GALNTL5: variants seen among roughly 807,000 people sequenced by gnomAD.
GALNTL5 encodes polypeptide N-acetylgalactosaminyltransferase like 5.
In GALNTL5, 44 loss-of-function variants were observed where a neutral mutation model predicts 51.0. The ratio of observed to expected loss-of-function variants is 0.86; its 90% CI spans 0.68 to 1.11. GALNTL5 has a LOEUF of 1.11. GALNTL5 is among the 50% of genes least tolerant of loss of function. GALNTL5 has a pLI of 0.00. For missense variants in GALNTL5, 528 were observed against 531.8 expected, an observed-to-expected ratio of 0.99 and a Z score of 0.07; for synonymous variants, 192 against 182.8, an observed-to-expected ratio of 1.05 and a Z score of -0.41.
chr7:152,006,730 T>G (rs1223612687), intron 6 of GALNTL5, among the ~76,000 whole-genome samples: 1 of 152,200 alleles, frequency 6.6e-6, no homozygotes, highest in Non-Finnish European at 1.5e-5. Flanking sequence ...CAATAAATAC[T>G]TATTTGAACA....
In GALNTL5 at chr7:152,019,895, A is replaced by G; in HGVS notation, c.*94A>G. On this transcript the variant is annotated 3_prime_UTR_variant, in exon 9 of 9. Coordinates refer to ENST00000392800, the MANE Select transcript of GALNTL5 (RefSeq NM_145292.4). ...GAGTGTAAGTTTGGAACATCGTGGA[A>G]TTACGTGAAATGCAATTAAAAAAAT... 3 of 1,041,630 alleles carry G rather than the reference A, an allele frequency of 2.9e-6. No homozygotes were observed. Among genetic ancestry groups the G allele is most frequent in the Non-Finnish European group, 4.1e-6 (3 of 724,280 alleles). 64.5% of individuals were successfully genotyped at this position (1,041,630 alleles called of 1,614,324 possible).
chr7:151,974,535 A>G (rs1386112772), intron 3 of GALNTL5, among the ~76,000 whole-genome samples: 2 of 152,236 alleles, frequency 1.3e-5, no homozygotes, highest in Non-Finnish European at 2.9e-5. Flanking sequence ...TGAAGCCACA[A>G]ATATCACTCA....
chr7:152,014,502 A>G, intron 7 of GALNTL5, 142 bp from the exon 8 acceptor site: 1 of 677,604 alleles, frequency 1.5e-6, no homozygotes, highest in Non-Finnish European at 2.4e-6. Context: ...TCCCTTCCTT[A>G]GGTGATCTGA....
At chr7:152,001,202 C>T (rs1014275223) in intron 5 of GALNTL5, among the ~76,000 whole-genome samples, 3 of 135,478 alleles carry the variant, frequency 2.2e-5, no homozygotes, top group African/African-American at 5.9e-5. Context: ...CATAAGCCAC[C>T]GCACCAGCCA....
chr7:151,998,789 A>C lies in GALNTL5; in HGVS notation c.659-3925A>C, dbSNP rs1031440476. Among the ~76,000 whole-genome samples the C allele has an allele frequency of 3.3e-4, 50 of 150,286 alleles. 1 individual carries two copies. Among genetic ancestry groups the C allele is most frequent in the African/African-American group, 1.2e-3 (48 of 39,894 alleles). ...TCTATCTAAAAAAAAAAAAACAAAA[A>C]ACAAAACTACTCCGATAGGCAAAGT... On this transcript the variant is annotated intron_variant, in intron 5 of 8. Transcript: ENST00000392800.
chr7:152,017,900 C>T (rs566139903), intron 8 of GALNTL5, among the ~76,000 whole-genome samples: 65 of 151,806 alleles, frequency 4.3e-4, no homozygotes, highest in African/African-American at 1.5e-3. Flanking sequence ...GGCTGGAGTG[C>T]GGTGATGCAA....
At chr7:151,970,760 G>A (rs552467023) in intron 2 of GALNTL5, 185 bp from the exon 3 acceptor site, 22 of 428,414 alleles carry the variant, frequency 5.1e-5, no homozygotes, top group South Asian at 4.8e-4. Flanking sequence ...TTCCTTTATA[G>A]CAATGCAAAA....
chr7:151,967,634 C>A, intron 2 of GALNTL5, 141 bp downstream of exon 2: 1 of 538,676 alleles, frequency 1.9e-6, no homozygotes, highest in Non-Finnish European at 3.1e-6. Flanking sequence ...GTGTATATAT[C>A]TATACATAGA....
intron 5 of GALNTL5, among the ~76,000 whole-genome samples, chr7:151,993,198 C>G (rs189163127): frequency 2.0e-5 from 3 of 150,184 alleles, no homozygotes; most frequent in Non-Finnish European, 3.0e-5. Flanking sequence ...CATGCCATTG[C>G]ACTCCAGCCT....
At position 151,965,275 on chromosome 7, in the gene GALNTL5, G is replaced by A. The variant is rs141163806; in HGVS notation, c.-39-1933G>A. ...TTACCACACGTCCAATAACGTTCTCGCCTCCAGACGTGTTAAAATCTCATG... is the reference window on the plus strand; with the variant it reads ...TTACCACACGTCCAATAACGTTCTCACCTCCAGACGTGTTAAAATCTCATG... On this transcript the variant is annotated intron_variant, in intron 1 of 8. Transcript: ENST00000392800. Among the ~76,000 whole-genome samples the A allele has an allele frequency of 6.6e-5, 10 of 152,214 alleles. No individual in the cohort carries two copies. The East Asian group carries it at 1.5e-3, about 24-fold the overall frequency.
intron 7 of GALNTL5, among the ~76,000 whole-genome samples, chr7:152,013,709 A>C (rs1264558319): frequency 2.0e-5 from 3 of 152,206 alleles, no homozygotes; most frequent in African/African-American, 7.2e-5. Context: ...AAACAACATA[A>C]GACTTCAAAA....
intron 1 of GALNTL5, among the ~76,000 whole-genome samples, chr7:151,961,549 A>T (rs1239756571): frequency 6.6e-6 from 1 of 152,204 alleles, no homozygotes; most frequent in Admixed American, 6.5e-5. Context: ...TTCTCAAGTT[A>T]GAGAGAGGAC....
intron 1 of GALNTL5, among the ~76,000 whole-genome samples, chr7:151,963,170 A>G (rs2081013092): frequency 1.3e-5 from 2 of 152,196 alleles, no homozygotes; most frequent in Non-Finnish European, 2.9e-5. Flanking sequence ...CTCATTCATT[A>G]TATGGGGCAT....
chr7:152,019,563 A>G (rs2081862973), intron 8 of GALNTL5, 83 bp from the exon 9 acceptor site: 5 of 1,319,594 alleles, frequency 3.8e-6, no homozygotes, highest in Middle Eastern at 3.8e-4. Context: ...ATGAAAATAC[A>G]TGCGTCTATG....
At chr7:151,970,440 G>A (rs1277904008) in intron 2 of GALNTL5, among the ~76,000 whole-genome samples, 1 of 152,182 alleles carries the variant, frequency 6.6e-6, no homozygotes, top group African/African-American at 2.4e-5. Flanking sequence ...GTCCCACAAT[G>A]TTGAAGGTGG....
chr7:151,987,008 T>G, intron 4 of GALNTL5, 151 bp from the exon 5 acceptor site: 1 of 552,466 alleles, frequency 1.8e-6, no homozygotes, highest in Non-Finnish European at 2.9e-6. Flanking sequence ...ATTACAGGCA[T>G]GAGACACCAC....
At chr7:152,013,169 C>G (rs868360232) in intron 7 of GALNTL5, among the ~76,000 whole-genome samples, 2 of 151,986 alleles carry the variant, frequency 1.3e-5, no homozygotes, top group African/African-American at 2.4e-5. Context: ...AAGCAGGGAA[C>G]AACAGATACT....
At chr7:151,971,641 G>A (rs2081144297) in intron 3 of GALNTL5, among the ~76,000 whole-genome samples, 1 of 152,126 alleles carries the variant, frequency 6.6e-6, no homozygotes, top group Admixed American at 6.5e-5. Flanking sequence ...TTCTGTACCT[G>A]ATATGGTTTG....
intron 3 of GALNTL5, among the ~76,000 whole-genome samples, chr7:151,979,866 G>T (rs937994327): frequency 3.3e-5 from 5 of 152,048 alleles, no homozygotes; most frequent in African/African-American, 4.8e-5. Flanking sequence ...TGAGTTTCAG[G>T]CTCCTCCACC....
Sources: gnomAD v4.1 joint callset for allele counts (sites outside exome capture counted in the v4.1 genomes callset) on GRCh38, gnomAD v4.1.1 for gene constraint, MANE v1.5 for transcripts, NCBI Gene and HGNC (gene_info 2026-07-23, HGNC 2026-07-21) for gene names.